Variants in DOHH observed in about 807,000 individuals in gnomAD.
DOHH encodes the protein HEAT-like (PBS lyase) repeat containing 1.
A neutral mutation model predicts 19.9 loss-of-function variants in DOHH; 16 were observed. The observed-to-expected ratio is 0.80, with a 90% CI of 0.54 to 1.22. The LOEUF is 1.22. DOHH is among the 50% of genes most tolerant of loss of function. The pLI, the probability that DOHH is intolerant of heterozygous loss-of-function variation, is 0.00. For missense variants in DOHH, 460 were observed against 460.6 expected (o/e 1.00, Z 0.01); for synonymous variants, 233 against 217.0 (o/e 1.07, Z -0.65).
intron 2 of DOHH, among the ~76,000 whole-genome samples, chr19:3,495,606 TA>T (rs1332573068): frequency 6.6e-6 from 1 of 152,188 alleles, no homozygotes; most frequent in African/African-American, 2.4e-5. Context: ...GAATGGTTTT[TA>T]AAACACTTTT....
Sources: gnomAD v4.1 joint callset for allele counts (sites outside exome capture counted in the v4.1 genomes callset) on GRCh38, gnomAD v4.1.1 for gene constraint, MANE v1.5 for transcripts, NCBI Gene and HGNC (gene_info 2026-07-23, HGNC 2026-07-21) for gene names.